The following PLEKHM3 variants were observed in gnomAD, a reference collection of about 807,000 sequenced individuals.
PLEKHM3 encodes pleckstrin homology domain-containing family M member 3.
PLEKHM3 carries 45 observed loss-of-function variants against 81.8 expected under a neutral mutation model. The observed-to-expected ratio is 0.55, with a 90% confidence interval of 0.43 to 0.71. PLEKHM3 has a LOEUF of 0.71. Ranked by LOEUF, PLEKHM3 falls within the 30% of genes least tolerant of loss-of-function variation. The probability of loss-of-function intolerance (pLI) is 0.00; values close to 1 mark genes in which losing one functional copy is unlikely to be tolerated. For missense variants in PLEKHM3, 788 were observed against 924.3 expected (o/e 0.85, Z 1.91); for synonymous variants, 352 against 356.4 (o/e 0.99, Z 0.14).
intron 6 of PLEKHM3, chr2:207,900,061 T>C (rs1237946056): frequency 6.6e-6 from 1 of 152,242 alleles, no homozygotes; most frequent in Non-Finnish European, 1.5e-5. Flanking sequence ...ACAACCATTT[T>C]ATTATGGGCT....
intron 3 of PLEKHM3, among the ~76,000 whole-genome samples, chr2:207,970,746 C>T (rs1691091232): frequency 6.6e-6 from 1 of 152,130 alleles, no homozygotes; most frequent in African/African-American, 2.4e-5. Context: ...ATGTGCCATT[C>T]AGAGAAGACA....
intron 3 of PLEKHM3, among the ~76,000 whole-genome samples, chr2:207,949,001 CT>C (rs1342059194): frequency 6.6e-6 from 1 of 152,076 alleles, no homozygotes; most frequent in Non-Finnish European, 1.5e-5. Flanking sequence ...ATCCTCAGCA[CT>C]TAATACAGAG....
chr2:207,881,874 C>G (rs1484751012), intron 6 of PLEKHM3, among the ~76,000 whole-genome samples: 2 of 152,138 alleles, frequency 1.3e-5, no homozygotes, highest in African/African-American at 4.8e-5. Flanking sequence ...TGGGGTCAGT[C>G]TGGCCTACTG....
Position 207,824,190 on chromosome 2 carries a change from AG to A in PLEKHM3, c.*4128del, listed in dbSNP as rs1484009689. Reference sequence around the variant, plus strand: ...GCCGCTACCGATTCAGGTCACGCAAAGGAGGGAGGCTCTTTCAAGGTCTTGC... The same window carrying A: ...GCCGCTACCGATTCAGGTCACGCAAAGAGGGAGGCTCTTTCAAGGTCTTGC... On this transcript the variant is annotated 3_prime_UTR_variant, in exon 8 of 8. Transcript: ENST00000427836. 6.6e-6 allele frequency: 1 copy of A among 152,244 alleles called. No individual in the cohort carries two copies. The highest frequency in any genetic ancestry group is 6.5e-5 in the Admixed American group (1 of 15,290). 9.4% of individuals were successfully genotyped at this position (152,244 alleles called of 1,614,324 possible).
Position 207,977,769 on chromosome 2 carries a change from C to T in PLEKHM3, c.611-183G>A, listed in dbSNP as rs575400405. 2.2e-4 allele frequency among the ~76,000 whole-genome samples: 34 copies of T among 152,120 alleles called. 1 individual carries two copies. The East Asian group carries it at 3.3e-3, about 15-fold the overall frequency. ...TGGTACCTAACTGGCAAGAAATAGCCGGGGAAATCTCGAGTCTAAAAACTG... is the reference window on the plus strand; with the variant it reads ...TGGTACCTAACTGGCAAGAAATAGCTGGGGAAATCTCGAGTCTAAAAACTG... On this transcript the variant is annotated intron_variant, in intron 2 of 7. Transcript: ENST00000427836.
intron 7 of PLEKHM3, among the ~76,000 whole-genome samples, chr2:207,854,702 G>A (rs2092429023): frequency 6.6e-6 from 1 of 152,108 alleles, no homozygotes; most frequent in Non-Finnish European, 1.5e-5. Flanking sequence ...CAGGAAAGCT[G>A]GTCAATATTC....
chr2:207,840,655 T>C (rs1448630197), intron 7 of PLEKHM3, among the ~76,000 whole-genome samples: 2 of 152,206 alleles, frequency 1.3e-5, no homozygotes, highest in Non-Finnish European at 2.9e-5. Flanking sequence ...CTCTGCCCAT[T>C]TTCTACTGAT....
chr2:207,910,186 C>T (rs566620311), intron 5 of PLEKHM3, among the ~76,000 whole-genome samples: 21 of 152,148 alleles, frequency 1.4e-4, no homozygotes, highest in East Asian at 3.9e-4. Flanking sequence ...GCTGCACTTG[C>T]GACAGGAAGC....
intron 2 of PLEKHM3, among the ~76,000 whole-genome samples, chr2:207,986,953 TA>T (rs1197027649): frequency 2.0e-5 from 3 of 151,922 alleles, no homozygotes; most frequent in African/African-American, 7.3e-5. Context: ...GTGCTGGAAT[TA>T]CAGGTGTGAG....
At chr2:207,913,303 G>C (rs1406457015) in intron 5 of PLEKHM3, among the ~76,000 whole-genome samples, 2 of 152,082 alleles carry the variant, frequency 1.3e-5, no homozygotes, top group African/African-American at 4.8e-5. Context: ...GATAGTCCAG[G>C]GGGGCACATG....
rs1281378695 is a variant in PLEKHM3, at chr2:207,980,486, A to G, written c.611-2900T>C. 2.6e-5 allele frequency among the ~76,000 whole-genome samples: 4 copies of G among 152,212 alleles called. No individual in the cohort carries two copies. In the East Asian group the frequency reaches 7.7e-4, roughly 29 times the overall value. On this transcript the variant is annotated intron_variant, in intron 2 of 7. Coordinates refer to ENST00000427836, the MANE Select transcript of PLEKHM3 (RefSeq NM_001080475.3). The stretch of plus-strand genomic sequence containing the variant: ...TTTCCTATCTCTGTTCTCCCAACTC[A>G]GCTTCAGCCCTCTTTAAGTGGTACA...
intron 3 of PLEKHM3, among the ~76,000 whole-genome samples, chr2:207,972,601 A>AAAAG (rs1553562412): frequency 6.6e-6 from 1 of 151,930 alleles, no homozygotes; most frequent in East Asian, 1.9e-4. Flanking sequence ...AAAAAAAAAA[A>AAAAG]AAAAGAAGAC....
chr2:207,930,053 TA>T (rs775215099), intron 5 of PLEKHM3: 2 of 527,106 alleles, frequency 3.8e-6, no homozygotes, highest in Non-Finnish European at 6.7e-6. Context: ...TAAATGCCTA[TA>T]AAATCTGTCT....
intron 7 of PLEKHM3, among the ~76,000 whole-genome samples, chr2:207,859,825 T>C (rs2092457520): frequency 6.6e-6 from 1 of 151,636 alleles, no homozygotes; most frequent in African/African-American, 2.4e-5. Flanking sequence ...CTTGAACCCC[T>C]GACCTCAGTG....
intron 6 of PLEKHM3, among the ~76,000 whole-genome samples, chr2:207,870,752 G>A (rs950967369): frequency 2.6e-5 from 4 of 152,154 alleles, no homozygotes; most frequent in African/African-American, 9.7e-5. Context: ...CACCTCACGA[G>A]ACTATTCTGA....
chr2:208,023,024 G>A (rs1693177354), intron 1 of PLEKHM3, among the ~76,000 whole-genome samples: 2 of 152,082 alleles, frequency 1.3e-5, no homozygotes, highest in African/African-American at 4.8e-5. Flanking sequence ...AATGGCAAAG[G>A]CAACTAACTA....
chr2:207,865,537 G>A (rs1330893955), intron 6 of PLEKHM3, among the ~76,000 whole-genome samples: 3 of 151,708 alleles, frequency 2.0e-5, no homozygotes, highest in African/African-American at 4.8e-5. Context: ...CAGCACTTTG[G>A]GAGGTCGAAG....
At chr2:207,898,672 T>C (rs1192477275) in intron 6 of PLEKHM3, among the ~76,000 whole-genome samples, 2 of 152,108 alleles carry the variant, frequency 1.3e-5, no homozygotes, top group Non-Finnish European at 2.9e-5. Context: ...GTGGGAGGAT[T>C]GCTTGAGTCC....
chr2:207,891,461 C>T (rs73983627), intron 6 of PLEKHM3, among the ~76,000 whole-genome samples: 3,170 of 152,244 alleles, frequency 0.021, 105 homozygotes, highest in African/African-American at 0.072. Context: ...GGTCACACAG[C>T]AGGTAAGGGG....
Sources: allele counts gnomAD v4.1 joint callset (sites outside exome capture counted in the v4.1 genomes callset), GRCh38; gene constraint gnomAD v4.1.1; transcripts MANE v1.5; gene names NCBI Gene and HGNC (gene_info 2026-07-23, HGNC 2026-07-21).